Variants in FAM171A1 observed in about 807,000 individuals in gnomAD.
FAM171A1 encodes the protein protein FAM171A1.
A neutral mutation model predicts 74.9 loss-of-function variants in FAM171A1; 23 were observed. The ratio of observed to expected loss-of-function variants is 0.31; its 90% CI spans 0.22 to 0.44. FAM171A1 has a LOEUF of 0.44. Ranked by LOEUF, FAM171A1 falls within the 20% of genes least tolerant of loss-of-function variation. The pLI is 1.00. For missense variants in FAM171A1, 1,162 were observed against 1,159.2 expected (o/e 1.00, Z -0.03); for synonymous variants, 527 against 505.7 (o/e 1.04, Z -0.57).
At chr10:15,220,099 C>A (rs1272793502) in intron 6 of FAM171A1, among the ~76,000 whole-genome samples, 3 of 152,162 alleles carry the variant, frequency 2.0e-5, no homozygotes, top group South Asian at 2.1e-4. Context: ...ACAAGAGACA[C>A]CTTTTAATCA....
chr10:15,288,810 A>ATTTTTTTT, intron 1 of FAM171A1, among the ~76,000 whole-genome samples: 1 of 76,026 alleles, frequency 1.3e-5, no homozygotes, highest in Non-Finnish European at 2.5e-5. Flanking sequence ...TGATTCGGTA[A>ATTTTTTTT]TTCTTTTTTT....
chr10:15,326,936 T>C (rs1294250602), intron 1 of FAM171A1, among the ~76,000 whole-genome samples: 1 of 152,208 alleles, frequency 6.6e-6, no homozygotes, highest in African/African-American at 2.4e-5. Flanking sequence ...GCTACAATTC[T>C]TGTTTTTGTT....
At chr10:15,268,022 G>A (rs1004769507) in intron 3 of FAM171A1, among the ~76,000 whole-genome samples, 16 of 152,318 alleles carry the variant, frequency 1.1e-4, no homozygotes, top group African/African-American at 3.4e-4. Flanking sequence ...CAGTGAGCAC[G>A]TGGGCCTAAA....
chr10:15,274,549 T>C (rs1588527065), intron 3 of FAM171A1, among the ~76,000 whole-genome samples: 1 of 152,174 alleles, frequency 6.6e-6, no homozygotes, highest in African/African-American at 2.4e-5. Context: ...AAAGTTCATA[T>C]GGAACCAAAA....
chr10:15,245,395 C>T (rs1834419590), intron 5 of FAM171A1, among the ~76,000 whole-genome samples: 2 of 152,314 alleles, frequency 1.3e-5, no homozygotes, highest in Admixed American at 1.3e-4. Context: ...TGAAGCAGAT[C>T]ACTCTCCACA....
chr10:15,315,955 A>G (rs745905836), intron 1 of FAM171A1, among the ~76,000 whole-genome samples: 8 of 151,864 alleles, frequency 5.3e-5, no homozygotes, highest in Non-Finnish European at 5.9e-5. Flanking sequence ...ACTAAACCTA[A>G]CATCTTAGTA....
intron 5 of FAM171A1, among the ~76,000 whole-genome samples, chr10:15,234,676 G>A (rs761453352): frequency 1.3e-5 from 2 of 149,754 alleles, no homozygotes; most frequent in Non-Finnish European, 3.0e-5. Context: ...TTTTTGAGAC[G>A]GAGTCTTGCT....
intron 1 of FAM171A1, among the ~76,000 whole-genome samples, chr10:15,351,567 C>CGATGGATGGATGGATGGATG (rs757265914): frequency 0.11 from 16,385 of 146,064 alleles, 1,089 homozygotes; most frequent in Admixed American, 0.15. Flanking sequence ...AAAGTAGGGA[C>CGATGGATGGATGGATGGATG]GATGGATGGA....
chr10:15,284,999 G>A (rs1264339720), intron 1 of FAM171A1, among the ~76,000 whole-genome samples: 1 of 149,656 alleles, frequency 6.7e-6, no homozygotes, highest in Non-Finnish European at 1.5e-5. Context: ...GGCAAAAACA[G>A]ATCATGAATC....
rs1833902729 is a variant in FAM171A1 at position 15,212,544 on chromosome 10, C to T, written c.*371G>A. 4.0e-6 allele frequency: 1 copy of T among 246,992 alleles called. No individual in the cohort carries two copies. Among genetic ancestry groups the T allele is most frequent in the African/African-American group, 2.3e-5 (1 of 43,302 alleles). The allele number at this position is 246,992 out of a possible 1,614,324, so 15.3% of individuals were successfully genotyped here. On this transcript the variant is annotated 3_prime_UTR_variant, in exon 8 of 8. Transcript: ENST00000378116. ...TAGGATTATTGTGATAAAAATGACT[C>T]AAGCGATGCAAAAAGTTTCATCTGT... is the stretch of plus-strand genomic sequence containing the variant.
intron 1 of FAM171A1, among the ~76,000 whole-genome samples, chr10:15,351,306 G>A (rs965082705): frequency 6.6e-6 from 1 of 152,186 alleles, no homozygotes; most frequent in Non-Finnish European, 1.5e-5. Flanking sequence ...CCGAGTGTGG[G>A]TGCGTAAGCC....
chr10:15,266,562 A>C (rs1445085878), intron 3 of FAM171A1, among the ~76,000 whole-genome samples: 1 of 152,020 alleles, frequency 6.6e-6, no homozygotes, highest in Admixed American at 6.6e-5. Flanking sequence ...AGCAAAAAGA[A>C]AAACACTCAG....
chr10:15,350,084 C>T (rs950073986), intron 1 of FAM171A1, among the ~76,000 whole-genome samples: 3 of 151,984 alleles, frequency 2.0e-5, no homozygotes, highest in African/African-American at 7.3e-5. Context: ...AGAGTAACAC[C>T]CCTACACGTG....
At chr10:15,339,687 C>T (rs1564284547) in intron 1 of FAM171A1, among the ~76,000 whole-genome samples, 1 of 152,136 alleles carries the variant, frequency 6.6e-6, no homozygotes, top group South Asian at 2.1e-4. Flanking sequence ...ACACCCAACC[C>T]CTTTCCCTTC....
intron 1 of FAM171A1, among the ~76,000 whole-genome samples, chr10:15,351,656 CATGCACGG>C (rs1262988394): frequency 6.9e-6 from 1 of 145,274 alleles, no homozygotes; most frequent in Admixed American, 6.9e-5. Context: ...TGGATGGATG[CATGCACGG>C]ATGCATGGAT....
At chr10:15,372,233 C>A (rs1363428249), upstream of FAM171A1, among the ~76,000 whole-genome samples, 1 of 152,144 alleles carries the variant, frequency 6.6e-6, no homozygotes, top group East Asian at 1.9e-4. Context: ...TCCATCTTCA[C>A]AATACATGAT....
At position 15,214,397 on chromosome 10, in the gene FAM171A1, GACTCC is replaced by G; in HGVS notation, c.1186_1190del (p.Gly396ProfsTer29). The G allele has an allele frequency of 1.9e-6, 3 of 1,614,006 alleles. No individual in the cohort carries two copies. Among genetic ancestry groups the G allele is most frequent in the Non-Finnish European group, 2.5e-6 (3 of 1,179,962 alleles). ...CGCCCGGAGACATCATTTCCAAATG[GACTCC>G]ACTCATCAGTTCCTTCGTGCCGGGG... is the stretch of plus-strand genomic sequence containing the variant. On this transcript the variant is annotated frameshift_variant, in exon 8 of 8. Transcript: ENST00000378116. LOFTEE classifies it high-confidence loss of function.
chr10:15,218,518 T>G (rs1256923200), intron 6 of FAM171A1, among the ~76,000 whole-genome samples: 2 of 152,200 alleles, frequency 1.3e-5, no homozygotes, highest in African/African-American at 4.8e-5. Flanking sequence ...TAGTATAATT[T>G]TTTGTAATAA....
At chr10:15,300,469 A>G (rs1835213964) in intron 1 of FAM171A1, among the ~76,000 whole-genome samples, 1 of 152,096 alleles carries the variant, frequency 6.6e-6, no homozygotes. Flanking sequence ...TGACTTTGTG[A>G]GGTGCCTGCT....
Sources: allele counts gnomAD v4.1 joint callset (sites outside exome capture counted in the v4.1 genomes callset), GRCh38; gene constraint gnomAD v4.1.1; transcripts MANE v1.5; gene names NCBI Gene and HGNC (gene_info 2026-07-23, HGNC 2026-07-21).